The following ARID1B variants were observed in gnomAD, a reference collection of about 807,000 sequenced individuals.
ARID1B encodes AT-rich interaction domain 1B.
Under a neutral mutation model 212.3 loss-of-function variants are expected in ARID1B, and 30 were observed. That is an observed-to-expected ratio of 0.14 (90% confidence interval 0.11 to 0.19). ARID1B has a LOEUF of 0.19. Among genes scored for constraint, ARID1B ranks in the 10% least tolerant of loss-of-function variants. The pLI, the probability that ARID1B is intolerant of heterozygous loss-of-function variation, is 1.00. For synonymous variants in ARID1B, 1,402 were observed against 1,301.7 expected (o/e 1.08, Z -1.66); for missense variants, 2,891 against 3,204.0 (o/e 0.90, Z 2.36).
intron 2 of ARID1B, 88 bp from the exon 3 acceptor site, chr6:156,901,288 C>G: frequency 6.7e-7 from 1 of 1,482,446 alleles, no homozygotes; most frequent in Non-Finnish European, 9.3e-7. Flanking sequence ...CAGAGAACCC[C>G]CTTCATGTTG....
chr6:157,162,717 G>C (rs1358309513), intron 8 of ARID1B, among the ~76,000 whole-genome samples: 5 of 152,238 alleles, frequency 3.3e-5, no homozygotes, highest in African/African-American at 1.2e-4. Context: ...CCATTTAAGA[G>C]GAGGAGGGAG....
At chr6:156,783,650 C>T (rs1336772725) in intron 1 of ARID1B, among the ~76,000 whole-genome samples, 4 of 152,198 alleles carry the variant, frequency 2.6e-5, no homozygotes, top group Admixed American at 2.0e-4. Context: ...TAACCCTACC[C>T]TTTCCTAGGA....
intron 1 of ARID1B, among the ~76,000 whole-genome samples, chr6:156,792,361 T>C (rs1448635516): frequency 2.0e-5 from 3 of 152,108 alleles, no homozygotes; most frequent in African/African-American, 7.2e-5. Context: ...CCTAGCTCTT[T>C]GGGAAGCTGA....
intron 4 of ARID1B, among the ~76,000 whole-genome samples, chr6:156,981,560 C>A (rs928753316): frequency 6.6e-6 from 1 of 151,964 alleles, no homozygotes; most frequent in Admixed American, 6.6e-5. Flanking sequence ...CTTTTAAATT[C>A]CTCAGTTTGG....
At chr6:157,114,954 A>T (rs1429892117) in intron 6 of ARID1B, among the ~76,000 whole-genome samples, 1 of 152,086 alleles carries the variant, frequency 6.6e-6, no homozygotes, top group Non-Finnish European at 1.5e-5. Context: ...TTTCTTTTCT[A>T]CTTGGTCCTG....
intron 2 of ARID1B, among the ~76,000 whole-genome samples, chr6:156,838,120 CTTATT>C (rs1027744251): frequency 2.0e-5 from 3 of 152,074 alleles, no homozygotes; most frequent in African/African-American, 7.2e-5. Context: ...TAAGAGCATG[CTTATT>C]TTATTTTATT....
chr6:157,065,123 C>T (rs1181857193), intron 4 of ARID1B, among the ~76,000 whole-genome samples: 1 of 152,168 alleles, frequency 6.6e-6, no homozygotes, highest in Non-Finnish European at 1.5e-5. Context: ...GGGAAATTCA[C>T]CTCTCCACGT....
intron 1 of ARID1B, chr6:156,780,298 A>C (rs1324869048): frequency 6.6e-6 from 1 of 152,194 alleles, no homozygotes; most frequent in Non-Finnish European, 1.5e-5. Context: ...TTATTCAGCA[A>C]ATCCAGTAAG....
At chr6:157,139,225 G>A (rs938154873) in intron 7 of ARID1B, among the ~76,000 whole-genome samples, 4 of 152,172 alleles carry the variant, frequency 2.6e-5, no homozygotes, top group Middle Eastern at 3.2e-3. Flanking sequence ...TGCCCTCACC[G>A]TGTGACCGAG....
chr6:157,103,384 GAATTA>G (rs1786224158), intron 5 of ARID1B, among the ~76,000 whole-genome samples: 1 of 152,134 alleles, frequency 6.6e-6, no homozygotes, highest in Admixed American at 6.5e-5. Context: ...ACAATGAACG[GAATTA>G]AATTAAGAAC....
chr6:157,180,243 G>A (rs1037963693), intron 11 of ARID1B, among the ~76,000 whole-genome samples: 13 of 151,916 alleles, frequency 8.6e-5, no homozygotes, highest in African/African-American at 9.7e-5. Context: ...GTAAAAGCAG[G>A]TACATAGAAA....
intron 3 of ARID1B, among the ~76,000 whole-genome samples, chr6:156,930,459 T>C (rs1000217123): frequency 2.2e-4 from 34 of 152,216 alleles, no homozygotes; most frequent in African/African-American, 8.2e-4. Context: ...CAATTACACC[T>C]GTTTTCTTTA....
Position 157,200,579 on chromosome 6 carries a change from A to G in ARID1B, c.4480-126A>G, listed in dbSNP as rs2128371813. ...CATAAATTGTTAGTTCTCTGTTGTT[A>G]TAGGAGCTTCCCATATTCATTTTGA... On this transcript the variant is annotated intron_variant, in intron 17 of 19. Coordinates refer to ENST00000636930, the MANE Select transcript of ARID1B (RefSeq NM_001374828.1). The surrounding 1 kb of genome is among the most constrained non-coding windows in gnomAD (Gnocchi z 4.3). 9.3e-7 allele frequency: 1 copy of G among 1,074,160 alleles called. No individual in the cohort carries two copies. Among genetic ancestry groups the G allele is most frequent in the Non-Finnish European group, 1.3e-6 (1 of 760,954 alleles). The allele number at this position is 1,074,160 out of a possible 1,614,324, so 66.5% of individuals were successfully genotyped here. A position where few individuals can be genotyped will look rare whatever the true frequency, so the allele number is the denominator to read the frequency against.
At chr6:156,920,174 C>G (rs1790667625) in intron 3 of ARID1B, among the ~76,000 whole-genome samples, 1 of 152,256 alleles carries the variant, frequency 6.6e-6, no homozygotes, top group Non-Finnish European at 1.5e-5. Flanking sequence ...TGCACCCCTT[C>G]ACCTCCCTCC....
chr6:156,838,221 T>G (rs563978266), intron 2 of ARID1B, among the ~76,000 whole-genome samples: 1 of 152,218 alleles, frequency 6.6e-6, no homozygotes, highest in African/African-American at 2.4e-5. Flanking sequence ...CAAGTCAAGA[T>G]CTATAAAACA....
At chr6:156,916,108 T>C (rs1393460955) in intron 3 of ARID1B, among the ~76,000 whole-genome samples, 1 of 152,192 alleles carries the variant, frequency 6.6e-6, no homozygotes, top group East Asian at 1.9e-4. Context: ...GGAATTAGGA[T>C]GGATCTAGGT....
chr6:156,946,208 A>G (rs1401420461), intron 4 of ARID1B, among the ~76,000 whole-genome samples: 1 of 151,298 alleles, frequency 6.6e-6, no homozygotes, highest in East Asian at 2.0e-4. Context: ...AATACGAAAA[A>G]AAAAAAAAAA....
At chr6:157,068,747 C>G in intron 4 of ARID1B, among the ~76,000 whole-genome samples, 1 of 152,226 alleles carries the variant, frequency 6.6e-6, no homozygotes, top group East Asian at 1.9e-4. Context: ...GACATACACC[C>G]TCTCACACAC....
intron 2 of ARID1B, among the ~76,000 whole-genome samples, chr6:156,843,625 T>A (rs1184183711): frequency 6.6e-5 from 10 of 152,204 alleles, no homozygotes; most frequent in Admixed American, 6.5e-4. Flanking sequence ...TATATGTGAA[T>A]CCAGACTGAT....
Sources: gnomAD v4.1 joint callset for allele counts (sites outside exome capture counted in the v4.1 genomes callset) on GRCh38, gnomAD v4.1.1 for gene constraint, Gnocchi (gnomAD v3.1) non-coding constraint, MANE v1.5 for transcripts, NCBI Gene and HGNC (gene_info 2026-07-23, HGNC 2026-07-21) for gene names.